Variants in LHX6 observed in about 807,000 individuals in gnomAD.
LHX6 encodes the protein LIM/homeobox protein Lhx6.
LHX6 carries 15 observed loss-of-function variants against 47.1 expected under a neutral mutation model. The ratio of observed to expected loss-of-function variants is 0.32; its 90% CI spans 0.21 to 0.49. The LOEUF (loss-of-function observed/expected upper bound fraction) is 0.49, where lower values mean the gene tolerates loss of function less well. Among genes scored for constraint, LHX6 ranks in the 20% least tolerant of loss-of-function variants. The probability of loss-of-function intolerance (pLI) is 0.99; values close to 1 mark genes in which losing one functional copy is unlikely to be tolerated. For synonymous variants in LHX6, 242 were observed against 233.5 expected, an observed-to-expected ratio of 1.04 and a Z score of -0.33; for missense variants, 404 against 539.6, an observed-to-expected ratio of 0.75 and a Z score of 2.49.
intron 8 of LHX6, among the ~76,000 whole-genome samples, chr9:122,212,886 C>T (rs1055198015): frequency 6.6e-6 from 1 of 152,174 alleles, no homozygotes; most frequent in Admixed American, 6.5e-5. Flanking sequence ...CAAGATATAG[C>T]TACTGAATGC....
chr9:122,205,941 C>T (rs1229782634), intron 9 of LHX6, among the ~76,000 whole-genome samples: 1 of 151,790 alleles, frequency 6.6e-6, no homozygotes, highest in African/African-American at 2.4e-5. Flanking sequence ...GGTGGGCATT[C>T]CTTCCCCACC....
rs1263246594 is a variant in LHX6 at position 122,227,424 on chromosome 9, G to A, written c.141C>T (p.Thr47=). The change falls in exon 2 of 10, where the codon ACC becomes ACT. Residue 47 remains threonine (T), a synonymous_variant. Coordinates refer to ENST00000394319, the MANE Select transcript of LHX6 (RefSeq NM_014368.5). ...ACGGACTCACCATGGCGGGCGGCGC[G>A]GTCCCTTCAAGACAGCGGGTGGTCG... The part of the protein sequence containing the change: ...CKATTRCLEG[T]APPAMAQSDA... The A allele has an allele frequency of 2.6e-6, 4 of 1,531,452 alleles. No individual in the cohort carries two copies. Among genetic ancestry groups the A allele is most frequent in the African/African-American group, 1.4e-5 (1 of 71,802 alleles). 94.9% of individuals were successfully genotyped at this position (1,531,452 alleles called of 1,614,324 possible).
intron 4 of LHX6, among the ~76,000 whole-genome samples, chr9:122,219,395 C>T (rs910270699): frequency 9.9e-5 from 15 of 152,222 alleles, no homozygotes; most frequent in Non-Finnish European, 1.5e-5. Flanking sequence ...GAGTGCCCAG[C>T]CCAGACCACG....
intron 4 of LHX6, among the ~76,000 whole-genome samples, chr9:122,223,779 T>C (rs1475214085): frequency 6.6e-6 from 1 of 152,182 alleles, no homozygotes; most frequent in Non-Finnish European, 1.5e-5. Context: ...TAAAGCACAG[T>C]ATCCAAGGAG....
At position 122,217,555 on chromosome 9, in the gene LHX6, TGTTA is replaced by T. The variant is rs1403025461; in HGVS notation, c.462-271_462-268del. 6.6e-6 allele frequency among the ~76,000 whole-genome samples: 1 copy of T among 152,236 alleles called. No homozygotes were observed. Among genetic ancestry groups the T allele is most frequent in the Admixed American group, 6.5e-5 (1 of 15,284 alleles). On this transcript the variant is annotated intron_variant, in intron 4 of 9. Transcript: ENST00000394319. The surrounding 1 kb of genome is among the most constrained non-coding windows in gnomAD (Gnocchi z 4.9). ...ACTTATATTTGCATATTAATTTGTT[TGTTA>T]AAAATACATCACAAGTTAGAAAAAA...
Position 122,214,257 on chromosome 9 carries a change from C to T in LHX6, c.783+26G>A, listed in dbSNP as rs768533997. On this transcript the variant is annotated intron_variant, in intron 6 of 9. Transcript: ENST00000394319. This position sits in a 1 kb window ranked among gnomAD's most constrained non-coding sequence, Gnocchi z 4.6. ...CCCACTTTCGGCCCGGCCCCCGCCC[C>T]CGCCGCCCACTGCTTGCAGCGGTAC... 2 of 1,554,328 alleles carry T rather than the reference C, an allele frequency of 1.3e-6. No homozygotes were observed. Among genetic ancestry groups the T allele is most frequent in the Admixed American group, 3.7e-5 (2 of 53,560 alleles).
In LHX6 at chr9:122,226,967, A is replaced by C. The variant is rs748326948; in HGVS notation, c.220T>G (p.Cys74Gly). 1 of 1,552,076 alleles carries C rather than the reference A, an allele frequency of 6.4e-7. No individual in the cohort carries two copies. The highest frequency in any genetic ancestry group is 1.4e-5 in the African/African-American group (1 of 73,672). The change falls in exon 3 of 10, where the codon TGT becomes GGT. Residue 74 changes from cysteine to glycine, a missense_variant. Cys to Gly is a radical substitution (Grantham distance 159). This residue lies in a region of LHX6 where 144 missense variants were observed against 128.7 expected (regional missense o/e 1.12). Coordinates refer to ENST00000394319, the MANE Select transcript of LHX6 (RefSeq NM_014368.5). The surrounding 1 kb of genome is among the most constrained non-coding windows in gnomAD (Gnocchi z 6.5). The stretch of plus-strand genomic sequence containing the variant: ...CAGACAGATGGCGTGCTGGGCGTAC[A>C]TGGGGAGGCCTGACCCTCGTCCTTG... Reference protein sequence around the residue: ...LDKDEGQASPCTPSTPSVCSP... With the variant: ...LDKDEGQASPGTPSTPSVCSP...
In LHX6 at chr9:122,214,375, G is replaced by A; in HGVS notation, c.691C>T (p.Leu231Phe). 6.4e-7 allele frequency: 1 copy of A among 1,567,346 alleles called. No individual in the cohort carries two copies. Among genetic ancestry groups the A allele is most frequent in the Non-Finnish European group, 8.6e-7 (1 of 1,161,748 alleles). ...LKRAAENGNGLTLEGAVPSEQ... is the reference protein window; with the variant it reads ...LKRAAENGNGFTLEGAVPSEQ... ...GAGGGCACTGCCCCCTCCAACGTGA[G>A]GCCGTTCCCTGGGGGCGATAGAAGC... Residue 231 changes from leucine (L) to phenylalanine (F), a missense_variant, in exon 6 of 10, where the codon CTC becomes TTC. This residue lies in a region of LHX6 where 43 missense variants were observed against 84.7 expected (regional missense o/e 0.51). Coordinates refer to ENST00000394319, the MANE Select transcript of LHX6 (RefSeq NM_014368.5). The surrounding 1 kb of genome is among the most constrained non-coding windows in gnomAD (Gnocchi z 4.6).
intron 4 of LHX6, among the ~76,000 whole-genome samples, chr9:122,223,898 C>A (rs937117299): frequency 6.6e-6 from 1 of 152,142 alleles, no homozygotes; most frequent in African/African-American, 2.4e-5. Context: ...GGAGAGGTGT[C>A]CTAGTGGTGC....
rs1456870253 is a variant in LHX6, at chr9:122,203,267, C to T, written c.*1493G>A. The T allele has an allele frequency of 1.3e-5, 2 of 152,602 alleles. No individual in the cohort carries two copies. The highest frequency in any genetic ancestry group is 2.1e-4 in the South Asian group (1 of 4,832). 9.5% of individuals were successfully genotyped at this position (152,602 alleles called of 1,614,324 possible). ...ACGTCAAGCATTTGAACTCTGAAACCTTATCCAGACTCAGTGAAATAGAGC... is the reference window on the plus strand; with the variant it reads ...ACGTCAAGCATTTGAACTCTGAAACTTTATCCAGACTCAGTGAAATAGAGC... On this transcript the variant is annotated 3_prime_UTR_variant, in exon 10 of 10. Coordinates refer to ENST00000394319, the MANE Select transcript of LHX6 (RefSeq NM_014368.5).
At chr9:122,209,228 C>T (rs952640675) in intron 9 of LHX6, among the ~76,000 whole-genome samples, 1 of 152,174 alleles carries the variant, frequency 6.6e-6, no homozygotes, top group East Asian at 1.9e-4. Context: ...TATCCCTGAA[C>T]CCCATCAGCT....
chr9:122,219,524 G>A (rs1830740816), intron 4 of LHX6, among the ~76,000 whole-genome samples: 1 of 152,188 alleles, frequency 6.6e-6, no homozygotes, highest in Admixed American at 6.5e-5. Flanking sequence ...TCCGGATTGG[G>A]AGCACTTTCT....
In LHX6 at chr9:122,213,736, C is replaced by T. The variant is rs777196788; in HGVS notation, c.924G>A (p.Pro308=). 1 of 1,609,292 alleles carries T rather than the reference C, an allele frequency of 6.2e-7. No homozygotes were observed. Among genetic ancestry groups the T allele is most frequent in the East Asian group, 2.2e-5 (1 of 44,736 alleles). ...NCRARHKKHT[P]QHPVPPSGAP... is the part of the protein sequence containing the mutation. ...CCCCCGAGGGCGGCACTGGGTGTTG[C>T]GGCGTGTGCTTTTTATGACGCGCCC... is the stretch of plus-strand genomic sequence containing the variant. The change falls in exon 8 of 10, where the codon CCG becomes CCA. Residue 308 remains proline (P), a synonymous_variant. Transcript: ENST00000394319. The surrounding 1 kb of genome is among the most constrained non-coding windows in gnomAD (Gnocchi z 5.5).
intron 9 of LHX6, among the ~76,000 whole-genome samples, chr9:122,209,412 C>T (rs1395026210): frequency 6.6e-6 from 1 of 152,238 alleles, no homozygotes; most frequent in South Asian, 2.1e-4. Flanking sequence ...AGGAGGCCTT[C>T]GGAGTGGCCA....
intron 1 of LHX6, 163 bp downstream of exon 1, chr9:122,228,494 C>CT (rs113188211): frequency 1.1e-5 from 15 of 1,397,574 alleles, no homozygotes; most frequent in Non-Finnish European, 1.4e-5. Context: ...CGACCCCCCC[C>CT]CCCCGCTCGC....
intron 1 of LHX6, chr9:122,228,185 A>C: frequency 8.6e-7 from 1 of 1,168,686 alleles, no homozygotes; most frequent in South Asian, 1.3e-5. Flanking sequence ...TTCGAGGGCC[A>C]GTCGGAGGGA....
chr9:122,218,890 C>T lies in LHX6; in HGVS notation c.462-1602G>A, dbSNP rs141407108. ...TGACCTACCCTCCCCCAGAGTCCCA[C>T]GGCACCCTGCACCGCTCTCTCAGCG... On this transcript the variant is annotated intron_variant, in intron 4 of 9. Transcript: ENST00000394319. Among the ~76,000 whole-genome samples the T allele has an allele frequency of 1.1e-3, 161 of 152,218 alleles. 1 individual carries two copies. Among genetic ancestry groups the T allele is most frequent in the African/African-American group, 3.6e-3 (148 of 41,544 alleles).
At chr9:122,218,084 C>T (rs1830664205) in intron 4 of LHX6, among the ~76,000 whole-genome samples, 1 of 152,164 alleles carries the variant, frequency 6.6e-6, no homozygotes, top group East Asian at 1.9e-4. Context: ...CTCAAGCCTT[C>T]CTTGATTCTA....
intron 4 of LHX6, chr9:122,221,426 AG>A: frequency 1.0e-6 from 1 of 985,360 alleles, no homozygotes; most frequent in Non-Finnish European, 1.2e-6. Flanking sequence ...GCTTTGCGGG[AG>A]GGGGTAGGCT....
Sources: gnomAD v4.1 joint callset for allele counts (sites outside exome capture counted in the v4.1 genomes callset) on GRCh38, gnomAD v4.1.1 for gene constraint, gnomAD v4.1.1 regional missense constraint, Gnocchi (gnomAD v3.1) non-coding constraint, MANE v1.5 for transcripts, NCBI Gene and HGNC (gene_info 2026-07-23, HGNC 2026-07-21) for gene names.